HMGCLL1: variants seen among roughly 807,000 people sequenced by gnomAD.
HMGCLL1 encodes the protein 3-hydroxy-3-methylglutaryl-CoA lyase like 1.
HMGCLL1 carries 36 observed loss-of-function variants against 39.1 expected under a neutral mutation model. The observed-to-expected ratio is 0.92, with a 90% CI of 0.71 to 1.22. The LOEUF is 1.22. HMGCLL1 is among the 50% of genes most tolerant of loss of function. The probability of loss-of-function intolerance (pLI) is 0.00; values close to 1 mark genes in which losing one functional copy is unlikely to be tolerated. For missense variants in HMGCLL1, 451 were observed against 416.5 expected, an observed-to-expected ratio of 1.08 and a Z score of -0.72; for synonymous variants, 149 against 144.0, an observed-to-expected ratio of 1.03 and a Z score of -0.25.
At chr6:55,616,067 G>A in the HMGCLL1 span, among the ~76,000 whole-genome samples, 3 of 151,948 alleles carry the variant, frequency 2.0e-5, no homozygotes, top group Admixed American at 6.6e-5. Flanking sequence ...AGCAACAGCC[G>A]GGAGCCATTC....
chr6:55,531,530 T>G (rs1349526291), intron 3 of HMGCLL1, among the ~76,000 whole-genome samples: 1 of 152,130 alleles, frequency 6.6e-6, no homozygotes, highest in African/African-American at 2.4e-5. Context: ...GAAAAACTTA[T>G]TTACAAAATT....
At chr6:55,662,374 C>T in the HMGCLL1 span, among the ~76,000 whole-genome samples, 1 of 151,314 alleles carries the variant, frequency 6.6e-6, no homozygotes. Flanking sequence ...TGCTAGTTTA[C>T]CAAGAGTTTT....
chr6:55,439,125 G>A (rs1763487826), intron 8 of HMGCLL1, among the ~76,000 whole-genome samples: 1 of 151,978 alleles, frequency 6.6e-6, no homozygotes, highest in Non-Finnish European at 1.5e-5. Context: ...AATCGTAACA[G>A]CAAAGACACA....
intron 1 of HMGCLL1, among the ~76,000 whole-genome samples, chr6:55,573,892 T>C (rs1771638414): frequency 6.6e-6 from 1 of 152,096 alleles, no homozygotes; most frequent in African/African-American, 2.4e-5. Context: ...TGCCTAGATA[T>C]GCCATAGTAA....
chr6:55,661,722 A>T, the HMGCLL1 span, among the ~76,000 whole-genome samples: 1 of 151,748 alleles, frequency 6.6e-6, no homozygotes, highest in Non-Finnish European at 1.5e-5. Flanking sequence ...ATAAATTTTT[A>T]AAAAGTTTTT....
At chr6:55,588,429 C>G in the HMGCLL1 span, among the ~76,000 whole-genome samples, 1 of 151,862 alleles carries the variant, frequency 6.6e-6, no homozygotes, top group Non-Finnish European at 1.5e-5. Flanking sequence ...ACTTACAGCA[C>G]TAAATGCCCA....
At chr6:55,533,280 C>A (rs1768793582) in intron 3 of HMGCLL1, among the ~76,000 whole-genome samples, 1 of 151,282 alleles carries the variant, frequency 6.6e-6, no homozygotes. Flanking sequence ...ATTTTAGTAT[C>A]CAAAATATGT....
At chr6:55,622,331 A>G in the HMGCLL1 span, among the ~76,000 whole-genome samples, 1 of 152,068 alleles carries the variant, frequency 6.6e-6, no homozygotes, top group African/African-American at 2.4e-5. Context: ...GAAAGTTGGC[A>G]TCCTCGCTGT....
At chr6:55,647,798 TAGGGTACATGTGC>T in the HMGCLL1 span, among the ~76,000 whole-genome samples, 1 of 137,730 alleles carries the variant, frequency 7.3e-6, no homozygotes, top group South Asian at 2.3e-4. Flanking sequence ...CTCTAAGTTT[TAGGGTACATGTGC>T]ACATTGTGCA....
intron 1 of HMGCLL1, 67 bp downstream of exon 1, chr6:55,578,881 G>A: frequency 6.0e-6 from 7 of 1,157,694 alleles, no homozygotes; most frequent in Non-Finnish European, 9.0e-6. Context: ...CCAAGAGGTT[G>A]CAGGGAGAGA....
intron 5 of HMGCLL1, among the ~76,000 whole-genome samples, chr6:55,511,600 T>G (rs1767465671): frequency 6.6e-6 from 1 of 152,138 alleles, no homozygotes; most frequent in Non-Finnish European, 1.5e-5. Context: ...ATCAAGTATA[T>G]GTTGATGCAG....
chr6:55,448,818 C>A (rs1428303199), intron 7 of HMGCLL1, among the ~76,000 whole-genome samples: 1 of 152,108 alleles, frequency 6.6e-6, no homozygotes, highest in African/African-American at 2.4e-5. Flanking sequence ...ACCTGGGATG[C>A]TGCATTATTT....
At chr6:55,572,704 T>C (rs912310711) in intron 1 of HMGCLL1, among the ~76,000 whole-genome samples, 11 of 152,228 alleles carry the variant, frequency 7.2e-5, no homozygotes, top group African/African-American at 2.7e-4. Flanking sequence ...AATATATTTT[T>C]ACAATTTAAA....
intron 5 of HMGCLL1, among the ~76,000 whole-genome samples, chr6:55,500,595 A>G (rs1766828436): frequency 6.6e-6 from 1 of 151,972 alleles, no homozygotes; most frequent in Non-Finnish European, 1.5e-5. Context: ...CCATTCAAGC[A>G]GTTATGAGGG....
chr6:55,613,797 G>A, the HMGCLL1 span, among the ~76,000 whole-genome samples: 2 of 152,172 alleles, frequency 1.3e-5, no homozygotes, highest in Middle Eastern at 6.8e-3. Context: ...GGGAGGGAGA[G>A]TATTGGGTCA....
At chr6:55,483,886 T>C (rs1765869994) in intron 7 of HMGCLL1, among the ~76,000 whole-genome samples, 1 of 152,240 alleles carries the variant, frequency 6.6e-6, no homozygotes, top group Admixed American at 6.5e-5. Flanking sequence ...TCAGCTATTG[T>C]TATCACAGAA....
intron 1 of HMGCLL1, among the ~76,000 whole-genome samples, chr6:55,542,956 A>G (rs1246564821): frequency 8.4e-6 from 1 of 118,476 alleles, no homozygotes; most frequent in Non-Finnish European, 1.6e-5. Flanking sequence ...GTGTATATAA[A>G]TAATATATAA....
the HMGCLL1 span, among the ~76,000 whole-genome samples, chr6:55,655,964 T>C: frequency 2.0e-5 from 3 of 152,008 alleles, no homozygotes; most frequent in Admixed American, 6.6e-5. Flanking sequence ...CTAGAGATCA[T>C]TTCTTCTTAA....
At chr6:55,624,183 G>A in the HMGCLL1 span, among the ~76,000 whole-genome samples, 1 of 152,096 alleles carries the variant, frequency 6.6e-6, no homozygotes, top group South Asian at 2.1e-4. Context: ...CACCTTCAAG[G>A]ACTTGAAAGA....
Sources: allele counts gnomAD v4.1 joint callset (sites outside exome capture counted in the v4.1 genomes callset), GRCh38; gene constraint gnomAD v4.1.1; transcripts MANE v1.5; gene names NCBI Gene and HGNC (gene_info 2026-07-23, HGNC 2026-07-21).